The following BMERB1 variants were observed in gnomAD, a reference collection of about 807,000 sequenced individuals.
BMERB1 encodes bMERB domain-containing protein 1.
Under a neutral mutation model 23.6 loss-of-function variants are expected in BMERB1, and 12 were observed. The observed-to-expected ratio is 0.51, with a 90% CI of 0.33 to 0.82. The LOEUF is 0.82. Ranked by LOEUF, BMERB1 falls within the 40% of genes least tolerant of loss-of-function variation. The pLI, the probability that BMERB1 is intolerant of heterozygous loss-of-function variation, is 0.03. For synonymous variants in BMERB1, 122 were observed against 96.6 expected, an observed-to-expected ratio of 1.26 and a Z score of -1.54; for missense variants, 247 against 255.4, an observed-to-expected ratio of 0.97 and a Z score of 0.22.
At chr16:15,527,938 T>C (rs1409704798) in intron 2 of BMERB1, among the ~76,000 whole-genome samples, 2 of 152,096 alleles carry the variant, frequency 1.3e-5, no homozygotes, top group Non-Finnish European at 2.9e-5. Context: ...CTGGTGTTTG[T>C]TTTACCTCCT....
At chr16:15,554,878 G>A (rs1184159104) in intron 2 of BMERB1, among the ~76,000 whole-genome samples, 1 of 151,994 alleles carries the variant, frequency 6.6e-6, no homozygotes, top group Non-Finnish European at 1.5e-5. Flanking sequence ...GTGTTAGCCA[G>A]GATGGTCTCG....
chr16:15,557,184 G>A (rs1044840434), intron 2 of BMERB1, among the ~76,000 whole-genome samples: 1 of 152,288 alleles, frequency 6.6e-6, no homozygotes, highest in African/African-American at 2.4e-5. Context: ...TATCGTCCCA[G>A]CGTGAAAGAC....
chr16:15,543,198 C>A (rs1241484091), intron 2 of BMERB1, among the ~76,000 whole-genome samples: 1 of 152,104 alleles, frequency 6.6e-6, no homozygotes, highest in Non-Finnish European at 1.5e-5. Flanking sequence ...TCCTCTCTGA[C>A]TGTCCCCAGC....
chr16:15,585,953 A>C (rs907421142), intron 5 of BMERB1, among the ~76,000 whole-genome samples: 2 of 152,206 alleles, frequency 1.3e-5, no homozygotes, highest in African/African-American at 2.4e-5. Flanking sequence ...AGGAAAATAA[A>C]CTAAGTACTT....
intron 1 of BMERB1, among the ~76,000 whole-genome samples, chr16:15,498,683 GGAAA>G (rs1202739814): frequency 1.3e-5 from 2 of 151,546 alleles, no homozygotes; most frequent in African/African-American, 4.8e-5. Context: ...GAAGAAAGGA[GGAAA>G]GAAAGAAAAA....
intron 1 of BMERB1, among the ~76,000 whole-genome samples, chr16:15,446,045 T>C (rs6498553): frequency 0.87 from 132,010 of 151,674 alleles, 57,771 homozygotes; most frequent in Middle Eastern, 0.93. Context: ...TTTAAAAACT[T>C]AAACTATTGT....
intron 4 of BMERB1, among the ~76,000 whole-genome samples, chr16:15,582,585 G>A (rs991734943): frequency 9.2e-5 from 14 of 151,948 alleles, no homozygotes; most frequent in African/African-American, 3.4e-4. Flanking sequence ...TAGGAGTGGT[G>A]GAGTGCTCCT....
At chr16:15,542,841 A>G (rs996464346) in intron 2 of BMERB1, among the ~76,000 whole-genome samples, 3 of 152,120 alleles carry the variant, frequency 2.0e-5, no homozygotes, top group African/African-American at 7.2e-5. Flanking sequence ...GAGGGGGAGC[A>G]TGCAGGTGAG....
chr16:15,584,431 G>A (rs1311720021), intron 5 of BMERB1, among the ~76,000 whole-genome samples: 1 of 151,856 alleles, frequency 6.6e-6, no homozygotes, highest in Non-Finnish European at 1.5e-5. Flanking sequence ...GGTGGTGGGC[G>A]CCTGTATTCC....
intron 1 of BMERB1, among the ~76,000 whole-genome samples, chr16:15,490,709 C>T (rs1290920256): frequency 3.9e-5 from 6 of 152,260 alleles, no homozygotes; most frequent in African/African-American, 1.4e-4. Flanking sequence ...TCTGTGCGAA[C>T]AGCACCTTCC....
intron 5 of BMERB1, 125 bp downstream of exon 5, chr16:15,583,363 A>G: frequency 2.6e-6 from 2 of 758,516 alleles, no homozygotes; most frequent in Admixed American, 4.2e-5. Flanking sequence ...GGATCACCTG[A>G]GGTCAGGAGT....
At chr16:15,548,936 C>G (rs1438020269) in intron 2 of BMERB1, among the ~76,000 whole-genome samples, 1 of 152,074 alleles carries the variant, frequency 6.6e-6, no homozygotes, top group Admixed American at 6.6e-5. Context: ...GTGGCCCAGT[C>G]CATGGGCTAA....
At chr16:15,565,752 T>G (rs1475941851) in intron 2 of BMERB1, among the ~76,000 whole-genome samples, 2 of 152,118 alleles carry the variant, frequency 1.3e-5, no homozygotes, top group Non-Finnish European at 2.9e-5. Context: ...GCCAGCTACT[T>G]CAGAGGCTGA....
intron 1 of BMERB1, among the ~76,000 whole-genome samples, chr16:15,484,661 C>G (rs899017453): frequency 1.3e-5 from 2 of 152,198 alleles, no homozygotes; most frequent in Non-Finnish European, 2.9e-5. Flanking sequence ...CTTGGCCTCC[C>G]AAAGTGCTGA....
chr16:15,437,061 C>T (rs1022649709), intron 1 of BMERB1, among the ~76,000 whole-genome samples: 18 of 152,080 alleles, frequency 1.2e-4, no homozygotes, highest in Non-Finnish European at 2.4e-4. Context: ...ATTTGAACCC[C>T]GGTCTGTTGG....
intron 5 of BMERB1, among the ~76,000 whole-genome samples, chr16:15,583,577 CAAAA>C (rs35021259): frequency 4.8e-5 from 3 of 61,868 alleles, no homozygotes; most frequent in Non-Finnish European, 6.8e-5. Flanking sequence ...GACTTTGTCT[CAAAA>C]AAAAAAAAAA....
chr16:15,555,108 C>G (rs1439897913), intron 2 of BMERB1, among the ~76,000 whole-genome samples: 3 of 152,126 alleles, frequency 2.0e-5, no homozygotes, highest in Non-Finnish European at 4.4e-5. Flanking sequence ...AAAGTCAATC[C>G]TTGCCTCCCA....
chr16:15,572,548 C>A (rs1274003978), intron 3 of BMERB1, among the ~76,000 whole-genome samples: 1 of 152,150 alleles, frequency 6.6e-6, no homozygotes, highest in Admixed American at 6.5e-5. Flanking sequence ...AGATGAACTG[C>A]ATGGTATGTG....
intron 1 of BMERB1, among the ~76,000 whole-genome samples, chr16:15,498,712 G>A (rs1175530525): frequency 6.6e-6 from 1 of 152,074 alleles, no homozygotes; most frequent in African/African-American, 2.4e-5. Context: ...GGAAAAGAGA[G>A]AAAGGAAAGA....
Sources: gnomAD v4.1 joint callset for allele counts (sites outside exome capture counted in the v4.1 genomes callset) on GRCh38, gnomAD v4.1.1 for gene constraint, MANE v1.5 for transcripts, NCBI Gene and HGNC (gene_info 2026-07-23, HGNC 2026-07-21) for gene names.